The following TTF2 variants were observed in gnomAD, a reference collection of about 807,000 sequenced individuals.
TTF2 encodes the protein transcription termination factor 2, also known as RNA polymerase II termination factor.
In TTF2, 108 loss-of-function variants were observed where a neutral mutation model predicts 142.4. The observed-to-expected ratio is 0.76, with a 90% confidence interval of 0.65 to 0.89. The LOEUF (loss-of-function observed/expected upper bound fraction) is 0.89. Among genes scored for constraint, TTF2 ranks in the 40% least tolerant of loss-of-function variants. The pLI, the probability that TTF2 is intolerant of heterozygous loss-of-function variation, is 0.00. For synonymous variants in TTF2, 483 were observed against 506.2 expected, an observed-to-expected ratio of 0.95 and a Z score of 0.61; for missense variants, 1,327 against 1,379.8, an observed-to-expected ratio of 0.96 and a Z score of 0.61.
At chr1:117,081,541 G>A (rs760850541) in intron 9 of TTF2, among the ~76,000 whole-genome samples, 5 of 152,164 alleles carry the variant, frequency 3.3e-5, no homozygotes, top group African/African-American at 9.7e-5. Flanking sequence ...CACATTGTGC[G>A]GGTAATAACA....
At chr1:117,061,466 T>C (rs531101735) in intron 2 of TTF2, among the ~76,000 whole-genome samples, 4 of 152,248 alleles carry the variant, frequency 2.6e-5, no homozygotes, top group Non-Finnish European at 5.9e-5. Flanking sequence ...CAAAACTTGG[T>C]AGAGAAAAGT....
chr1:117,091,505 A>G lies in TTF2; in HGVS notation c.2671+95A>G, dbSNP rs931412947. 2.6e-5 allele frequency: 35 copies of G among 1,329,140 alleles called. No homozygotes were observed. The Admixed American group carries it at 6.8e-4, about 26-fold the overall frequency. 82.3% of individuals were successfully genotyped at this position (1,329,140 alleles called of 1,614,324 possible). ...AAATGTGAGGTTATGAATCCTTGGT[A>G]TCAGAGATTTGGCGTTAACTAAGAC... On this transcript the variant is annotated intron_variant, in intron 16 of 22. Coordinates refer to ENST00000369466, the MANE Select transcript of TTF2 (RefSeq NM_003594.4).
chr1:117,076,973 T>C lies in TTF2; in HGVS notation c.1573+150T>C. On this transcript the variant is annotated intron_variant, in intron 7 of 22. Coordinates refer to ENST00000369466, the MANE Select transcript of TTF2 (RefSeq NM_003594.4). The surrounding 1 kb of genome is among the most constrained non-coding windows in gnomAD (Gnocchi z 4.6). ...GTGAGTACAGTACAGTAAGATATTT[T>C]GAGAGAGAAAGAGACAGAAACCACA... 8 of 517,770 alleles carry C rather than the reference T, an allele frequency of 1.5e-5. No homozygotes were observed. The highest frequency in any genetic ancestry group is 2.0e-5 in the African/African-American group (1 of 51,130). 32.1% of individuals were successfully genotyped at this position (517,770 alleles called of 1,614,324 possible).
Position 117,086,456 on chromosome 1 carries a change from C to T in TTF2, c.2094C>T (p.Leu698=), listed in dbSNP as rs760519399. 31 of 1,613,986 alleles carry T rather than the reference C, an allele frequency of 1.9e-5. No homozygotes were observed. The highest frequency in any genetic ancestry group is 1.6e-4 in the Middle Eastern group (1 of 6,084). ...ACATCGTGATCACTACCTATAGCCT[C>T]GTGGCCAAGGAGATTCCCACAAACA... ...TYDIVITTYS[L]VAKEIPTNKQ... Residue 698 remains leucine (L), a synonymous_variant, in exon 12 of 23, where the codon CTC becomes CTT. Transcript: ENST00000369466. This position sits in a 1 kb window ranked among gnomAD's most constrained non-coding sequence, Gnocchi z 4.2.
Position 117,102,910 on chromosome 1 carries a change from C to T in TTF2, c.*1386C>T, listed in dbSNP as rs1024582705. 3 of 152,310 alleles carry T rather than the reference C, an allele frequency of 2.0e-5. No homozygotes were observed. Among genetic ancestry groups the T allele is most frequent in the Middle Eastern group, 3.4e-3 (1 of 294 alleles). 9.4% of individuals were successfully genotyped at this position (152,310 alleles called of 1,614,324 possible). A position where few individuals can be genotyped will look rare whatever the true frequency, so the allele number is the denominator to read the frequency against. ...CACCAAACCCACTTCCTTTTCCTCC[C>T]GGGCACCCAGAGAGACTGTATTTCC... On this transcript the variant is annotated 3_prime_UTR_variant, in exon 23 of 23. Transcript: ENST00000369466.
intron 3 of TTF2, among the ~76,000 whole-genome samples, chr1:117,068,497 A>G (rs1327466493): frequency 6.6e-6 from 1 of 152,056 alleles, no homozygotes. Context: ...TACATGTGTA[A>G]CAAACCTGCA....
In TTF2 at chr1:117,079,092, T is replaced by G. The variant is rs1439302582; in HGVS notation, c.1702-476T>G. 1.3e-5 allele frequency among the ~76,000 whole-genome samples: 2 copies of G among 151,886 alleles called. No individual in the cohort carries two copies. The highest frequency in any genetic ancestry group is 4.8e-5 in the African/African-American group (2 of 41,334). On this transcript the variant is annotated intron_variant, in intron 8 of 22. Coordinates refer to ENST00000369466, the MANE Select transcript of TTF2 (RefSeq NM_003594.4). The surrounding 1 kb of genome is among the most constrained non-coding windows in gnomAD (Gnocchi z 4.2). ...CCATCTCTACTAAAAATAAGAAAAT[T>G]AGCTGGGCATGGTGGCATACGCATG...
intron 19 of TTF2, 120 bp from the exon 20 acceptor site, chr1:117,096,026 CAGA>C (rs1649109278): frequency 9.8e-7 from 1 of 1,023,644 alleles, no homozygotes; most frequent in South Asian, 1.6e-5. Flanking sequence ...CCTTAGGTAG[CAGA>C]AGGCCTTTCC....
intron 13 of TTF2, 108 bp from the exon 14 acceptor site, chr1:117,089,947 G>T (rs563828910): frequency 7.4e-5 from 95 of 1,275,694 alleles, no homozygotes; most frequent in Non-Finnish European, 1.0e-4. Flanking sequence ...TGGATGACAG[G>T]TGTAACAGAA....
Position 117,098,881 on chromosome 1 carries a change from G to A in TTF2, c.3318G>A (p.Gly1106=). 6.2e-7 allele frequency: 1 copy of A among 1,612,602 alleles called. No homozygotes were observed. The highest frequency in any genetic ancestry group is 1.1e-5 in the South Asian group (1 of 90,890). Residue 1106 remains glycine, a synonymous_variant, in exon 22 of 23, where the codon GGG becomes GGA. Transcript: ENST00000369466. ...CTTGTGACCGAATTTACCGAGTAGG[G>A]CAGCAGAAAGATGTTGTCATACACA... ...DQACDRIYRV[G]QQKDVVIHRF... is the part of the protein sequence containing the mutation.
rs1293450388 is a variant in TTF2 at position 117,073,342 on chromosome 1, C to T, written c.219-319C>T. 6.6e-6 allele frequency among the ~76,000 whole-genome samples: 1 copy of T among 152,142 alleles called. No homozygotes were observed. The highest frequency in any genetic ancestry group is 1.5e-5 in the Non-Finnish European group (1 of 68,040). ...CCCTTCAGGGACACACAGTGTCTGG[C>T]TGTCTCTCATTTCTCTGATTTTAGT... On this transcript the variant is annotated intron_variant, in intron 3 of 22. Coordinates refer to ENST00000369466, the MANE Select transcript of TTF2 (RefSeq NM_003594.4). This position sits in a 1 kb window ranked among gnomAD's most constrained non-coding sequence, Gnocchi z 4.4.
In TTF2 at chr1:117,091,240, T is replaced by C. The variant is rs1259114670; in HGVS notation, c.2589-88T>C. On this transcript the variant is annotated intron_variant, in intron 15 of 22. Coordinates refer to ENST00000369466, the MANE Select transcript of TTF2 (RefSeq NM_003594.4). Reference sequence around the variant, plus strand: ...TTGGCATCATTTAACAAGTCTTCTATAATTTGTCAAGATCCCACTGCAGGC... The same window carrying C: ...TTGGCATCATTTAACAAGTCTTCTACAATTTGTCAAGATCCCACTGCAGGC... 3 of 1,067,280 alleles carry C rather than the reference T, an allele frequency of 2.8e-6. No individual in the cohort carries two copies. The East Asian group carries it at 7.6e-5, about 27-fold the overall frequency. 66.1% of individuals were successfully genotyped at this position (1,067,280 alleles called of 1,614,324 possible). A position where few individuals can be genotyped will look rare whatever the true frequency, so the allele number is the denominator to read the frequency against.
chr1:117,083,113 G>T (rs1156445820), intron 10 of TTF2, among the ~76,000 whole-genome samples: 1 of 152,024 alleles, frequency 6.6e-6, no homozygotes, highest in East Asian at 1.9e-4. Context: ...ATGGTGGCAG[G>T]CGCCTGTAGT....
chr1:117,083,369 G>A (rs886168926), intron 10 of TTF2, among the ~76,000 whole-genome samples: 7 of 152,062 alleles, frequency 4.6e-5, no homozygotes, highest in African/African-American at 1.2e-4. Flanking sequence ...GCACACACAC[G>A]CAGAGATGAG....
chr1:117,085,664 ATACT>A lies in TTF2; in HGVS notation c.2055-751_2055-748del, dbSNP rs201987755. On this transcript the variant is annotated intron_variant, in intron 11 of 22. Coordinates refer to ENST00000369466, the MANE Select transcript of TTF2 (RefSeq NM_003594.4). This position sits in a 1 kb window ranked among gnomAD's most constrained non-coding sequence, Gnocchi z 4.7. ...GCAGAATTTTACTTTATTTCAATAA[ATACT>A]TTATTTTATTTTATTATTTTATTTA... Among the ~76,000 whole-genome samples, 841 of 152,284 alleles carry A rather than the reference ATACT, an allele frequency of 5.5e-3. 9 individuals carry two copies. The highest frequency in any genetic ancestry group is 0.018 in the African/African-American group (756 of 41,546).
chr1:117,092,695 A>T lies in TTF2; in HGVS notation c.2806-36A>T. ...ACAAGTAACAAGGTTTGCTCCCTTGACTCCCAGCTGCTCCTGTCCTTTTTT... is the reference window on the plus strand; with the variant it reads ...ACAAGTAACAAGGTTTGCTCCCTTGTCTCCCAGCTGCTCCTGTCCTTTTTT... On this transcript the variant is annotated intron_variant, in intron 17 of 22. Coordinates refer to ENST00000369466, the MANE Select transcript of TTF2 (RefSeq NM_003594.4). This position sits in a 1 kb window ranked among gnomAD's most constrained non-coding sequence, Gnocchi z 4.4. 2 of 1,594,730 alleles carry T rather than the reference A, an allele frequency of 1.3e-6. No individual in the cohort carries two copies. Among genetic ancestry groups the T allele is most frequent in the Non-Finnish European group, 1.7e-6 (2 of 1,170,082 alleles).
rs925532907 is a variant in TTF2, at chr1:117,107,321, T to G, written c.*5797T>G. On this transcript the variant is annotated 3_prime_UTR_variant, in exon 23 of 23. Coordinates refer to ENST00000369466, the MANE Select transcript of TTF2 (RefSeq NM_003594.4). ...ACAGAATTGTTACCATTAATATTGCTTAAAGGCTAACACATTAGCCAGAAC... is the reference window on the plus strand; with the variant it reads ...ACAGAATTGTTACCATTAATATTGCGTAAAGGCTAACACATTAGCCAGAAC... 1.2e-4 allele frequency: 19 copies of G among 152,238 alleles called. No individual in the cohort carries two copies. Among genetic ancestry groups the G allele is most frequent in the African/African-American group, 2.4e-5 (1 of 41,460 alleles). The allele number at this position is 152,238 out of a possible 1,614,324, so 9.4% of individuals were successfully genotyped here. A position where few individuals can be genotyped will look rare whatever the true frequency, so the allele number is the denominator to read the frequency against.
intron 10 of TTF2, among the ~76,000 whole-genome samples, chr1:117,082,452 A>G (rs1647608579): frequency 6.6e-6 from 1 of 152,200 alleles, no homozygotes; most frequent in Admixed American, 6.5e-5. Flanking sequence ...GGCTCAAGCA[A>G]TCATCCTGCC....
Position 117,100,922 on chromosome 1 carries a change from C to T in TTF2, c.3345-458C>T, listed in dbSNP as rs1649538309. 6.6e-6 allele frequency among the ~76,000 whole-genome samples: 1 copy of T among 152,210 alleles called. No individual in the cohort carries two copies. The highest frequency in any genetic ancestry group is 2.4e-5 in the African/African-American group (1 of 41,440). The stretch of plus-strand genomic sequence containing the variant: ...TAGCATAGTGTAGTGAGTGCTTAAT[C>T]AATACTTTTGAATGAGTGAATGAAT... On this transcript the variant is annotated intron_variant, in intron 22 of 22. Coordinates refer to ENST00000369466, the MANE Select transcript of TTF2 (RefSeq NM_003594.4). The surrounding 1 kb of genome is among the most constrained non-coding windows in gnomAD (Gnocchi z 4.6).
Sources: gnomAD v4.1 joint callset for allele counts (sites outside exome capture counted in the v4.1 genomes callset) on GRCh38, gnomAD v4.1.1 for gene constraint, Gnocchi (gnomAD v3.1) non-coding constraint, MANE v1.5 for transcripts, NCBI Gene and HGNC (gene_info 2026-07-23, HGNC 2026-07-21) for gene names.